The following TMEM131 variants were observed in gnomAD, a reference collection of about 807,000 sequenced individuals.
TMEM131 encodes 2610524E03Rik.
TMEM131 carries 66 observed loss-of-function variants against 211.6 expected under a neutral mutation model. The ratio of observed to expected loss-of-function variants is 0.31; its 90% CI spans 0.26 to 0.38. TMEM131 has a LOEUF of 0.38. Among genes scored for constraint, TMEM131 ranks in the 10% least tolerant of loss-of-function variants. The probability of loss-of-function intolerance (pLI) is 1.00; values close to 1 mark genes in which losing one functional copy is unlikely to be tolerated. For missense variants in TMEM131, 2,036 were observed against 2,299.3 expected (o/e 0.89, Z 2.34); for synonymous variants, 844 against 841.3 (o/e 1.00, Z -0.06).
chr2:97,827,050 T>C (rs1290023810), intron 11 of TMEM131, among the ~76,000 whole-genome samples: 1 of 132,262 alleles, frequency 7.6e-6, no homozygotes, highest in African/African-American at 2.9e-5. Context: ...ACACAATGGG[T>C]ATTCAGTAAG....
At chr2:97,757,525 G>A (rs1443536381) in intron 40 of TMEM131, 142 bp from the exon 41 acceptor site, 4 of 955,772 alleles carry the variant, frequency 4.2e-6, no homozygotes, top group Non-Finnish European at 6.0e-6. Context: ...TTATATATAT[G>A]TATTTGAGCA....
At chr2:97,766,745 T>G in intron 33 of TMEM131, 143 bp from the exon 34 acceptor site, 1 of 975,646 alleles carries the variant, frequency 1.0e-6, no homozygotes, top group Non-Finnish European at 1.5e-6. Context: ...CCCTTGGTCC[T>G]AACTCAGGAC....
chr2:97,770,582 G>A (rs1020830857), intron 33 of TMEM131, among the ~76,000 whole-genome samples: 1 of 152,186 alleles, frequency 6.6e-6, no homozygotes, highest in Non-Finnish European at 1.5e-5. Flanking sequence ...ACACTCAAGC[G>A]ACGTCTTTGA....
At chr2:97,835,416 G>A (rs1273454688) in intron 8 of TMEM131, among the ~76,000 whole-genome samples, 1 of 152,136 alleles carries the variant, frequency 6.6e-6, no homozygotes, top group East Asian at 1.9e-4. Context: ...ACAATGCAAA[G>A]CTTCTCAAGT....
At chr2:97,840,222 G>C (rs1683132469) in intron 7 of TMEM131, among the ~76,000 whole-genome samples, 1 of 152,228 alleles carries the variant, frequency 6.6e-6, no homozygotes, top group Non-Finnish European at 1.5e-5. Context: ...AATTCGAAGT[G>C]ATCACTGTGC....
At chr2:97,830,156 A>AAAAAC (rs1682602894) in intron 11 of TMEM131, among the ~76,000 whole-genome samples, 2 of 149,018 alleles carry the variant, frequency 1.3e-5, no homozygotes, top group Non-Finnish European at 3.0e-5. Context: ...AAAAAAAAAA[A>AAAAAC]CCAAACCCAA....
At chr2:97,941,431 A>G (rs991111378) in intron 1 of TMEM131, among the ~76,000 whole-genome samples, 1 of 152,242 alleles carries the variant, frequency 6.6e-6, no homozygotes, top group Non-Finnish European at 1.5e-5. Flanking sequence ...CTTCATGACT[A>G]AAACACCAAA....
intron 5 of TMEM131, among the ~76,000 whole-genome samples, chr2:97,854,918 C>T (rs573095236): frequency 7.5e-4 from 114 of 152,208 alleles, no homozygotes; most frequent in African/African-American, 2.2e-3. Flanking sequence ...AAAATGGTAC[C>T]GCCTTCCCTG....
At chr2:97,854,789 C>T (rs1321056567) in intron 5 of TMEM131, among the ~76,000 whole-genome samples, 7 of 152,214 alleles carry the variant, frequency 4.6e-5, no homozygotes, top group Admixed American at 2.6e-4. Context: ...TTGGTCCTTC[C>T]GGCTAGAATG....
chr2:97,832,007 A>AAAAAAAC (rs1682720233), intron 11 of TMEM131, among the ~76,000 whole-genome samples: 1 of 147,560 alleles, frequency 6.8e-6, no homozygotes, highest in Non-Finnish European at 1.5e-5. Flanking sequence ...TCACTTCCAA[A>AAAAAAAC]AAAAAAAAAA....
intron 15 of TMEM131, among the ~76,000 whole-genome samples, 183 bp downstream of exon 15, chr2:97,813,786 AAG>A (rs1312810686): frequency 6.6e-6 from 1 of 152,238 alleles, no homozygotes; most frequent in Non-Finnish European, 1.5e-5. Flanking sequence ...ACTGTATCAC[AAG>A]AGAGAGCTGC....
chr2:97,849,715 CTCTTT>C lies in TMEM131; in HGVS notation c.484-5459_484-5455del, dbSNP rs1421406284. Among the ~76,000 whole-genome samples the C allele has an allele frequency of 1.4e-3, 170 of 122,158 alleles. 1 individual carries two copies. Among genetic ancestry groups the C allele is most frequent in the African/African-American group, 4.4e-3 (145 of 32,802 alleles). The allele number at this position is 122,158 out of a possible 152,430, so 80.1% of individuals were successfully genotyped here. On this transcript the variant is annotated intron_variant, in intron 5 of 40. Coordinates refer to ENST00000186436, the MANE Select transcript of TMEM131 (RefSeq NM_015348.2). The stretch of plus-strand genomic sequence containing the variant: ...TGTCTGTGTGTGTATATCTCTCTCT[CTCTTT>C]TTTTTTTTTTTTTTTTTTTTACTGT...
At chr2:97,894,885 T>C (rs1675538402) in intron 3 of TMEM131, among the ~76,000 whole-genome samples, 1 of 152,198 alleles carries the variant, frequency 6.6e-6, no homozygotes, top group Non-Finnish European at 1.5e-5. Flanking sequence ...CTGACTGCCC[T>C]GGCCAGAACT....
At chr2:97,935,563 T>C (rs1196911397) in intron 1 of TMEM131, among the ~76,000 whole-genome samples, 1 of 152,170 alleles carries the variant, frequency 6.6e-6, no homozygotes, top group Non-Finnish European at 1.5e-5. Context: ...GAAATTTAAT[T>C]TCAGGACCTA....
intron 1 of TMEM131, among the ~76,000 whole-genome samples, chr2:97,965,518 A>C (rs1679019968): frequency 6.6e-6 from 1 of 152,152 alleles, no homozygotes; most frequent in Non-Finnish European, 1.5e-5. Context: ...TTTTTAAAAC[A>C]GGCACTACTG....
At position 97,802,536 on chromosome 2, in the gene TMEM131, T is replaced by C; in HGVS notation, c.2543A>G (p.Glu848Gly). Residue 848 changes from glutamate to glycine, a missense_variant and splice_region_variant, in exon 24 of 41, where the codon GAA (glutamate) becomes GGA (glycine). Glu to Gly is a moderately conservative substitution (Grantham distance 98). This residue lies in a region of TMEM131 where 1,623 missense variants were observed against 1,805.9 expected (regional missense o/e 0.90). Coordinates refer to ENST00000186436, the MANE Select transcript of TMEM131 (RefSeq NM_015348.2). The stretch of plus-strand genomic sequence containing the variant: ...AGGATTTTCTAAAGTAATCTCTTCT[T>C]CCTTAAACAAAATAATGAAACATTA... ...FPLTNTNCSS[E>G]EEITLENPAD... is the part of the protein sequence containing the mutation. The C allele has an allele frequency of 6.2e-7, 1 of 1,607,950 alleles. No individual in the cohort carries two copies. Among genetic ancestry groups the C allele is most frequent in the South Asian group, 1.1e-5 (1 of 89,632 alleles).
chr2:97,785,078 T>A (rs143163500), intron 31 of TMEM131, among the ~76,000 whole-genome samples: 581 of 152,258 alleles, frequency 3.8e-3, no homozygotes, highest in Non-Finnish European at 6.6e-3. Context: ...ATGAAACAGA[T>A]GATGTGAACA....
intron 4 of TMEM131, among the ~76,000 whole-genome samples, chr2:97,885,720 C>T (rs886781871): frequency 6.6e-6 from 1 of 152,154 alleles, no homozygotes; most frequent in Non-Finnish European, 1.5e-5. Context: ...TTGCCTTTAA[C>T]ATCTGATAAT....
At chr2:97,980,652 A>C (rs1679747156) in intron 1 of TMEM131, among the ~76,000 whole-genome samples, 1 of 152,186 alleles carries the variant, frequency 6.6e-6, no homozygotes, top group African/African-American at 2.4e-5. Context: ...TAACAGCCCC[A>C]AACTGCAAAC....
Sources: allele counts gnomAD v4.1 joint callset (sites outside exome capture counted in the v4.1 genomes callset), GRCh38; gene constraint gnomAD v4.1.1; regional missense constraint gnomAD v4.1.1; transcripts MANE v1.5; gene names NCBI Gene and HGNC (gene_info 2026-07-23, HGNC 2026-07-21).